Variants in PCDH15 observed in about 807,000 individuals in gnomAD.
The protein encoded by PCDH15 is protocadherin-15.
PCDH15 carries 129 observed loss-of-function variants against 178.5 expected under a neutral mutation model. The observed-to-expected ratio is 0.72, with a 90% CI of 0.63 to 0.84. PCDH15 has a LOEUF of 0.84. Among genes scored for constraint, PCDH15 ranks in the 40% least tolerant of loss-of-function variants. The pLI is 0.00. For missense variants in PCDH15, 2,230 were observed against 2,099.9 expected, an observed-to-expected ratio of 1.06 and a Z score of -1.21; for synonymous variants, 800 against 732.0, an observed-to-expected ratio of 1.09 and a Z score of -1.50.
chr10:55,183,318 C>T (rs914080949), intron 1 of PCDH15, among the ~76,000 whole-genome samples: 15 of 151,880 alleles, frequency 9.9e-5, no homozygotes, highest in Admixed American at 8.5e-4. Flanking sequence ...AACATAGTAG[C>T]AATTTCCACA....
intron 14 of PCDH15, among the ~76,000 whole-genome samples, chr10:54,152,145 T>G (rs2044603677): frequency 6.6e-6 from 1 of 152,188 alleles, no homozygotes; most frequent in Non-Finnish European, 1.5e-5. Context: ...TACTGTGTAC[T>G]AAGATACATC....
chr10:54,584,813 T>C (rs909633145), intron 2 of PCDH15, among the ~76,000 whole-genome samples: 1 of 152,092 alleles, frequency 6.6e-6, no homozygotes, highest in Non-Finnish European at 1.5e-5. Context: ...GAATCATGGC[T>C]GTAAATAAAA....
At chr10:53,906,929 TCACCAGA>T (rs2082723373) in intron 25 of PCDH15, 1 of 152,034 alleles carries the variant, frequency 6.6e-6, no homozygotes. Flanking sequence ...GAAGGAGAAG[TCACCAGA>T]TTATCCACTT....
intron 2 of PCDH15, among the ~76,000 whole-genome samples, chr10:54,898,184 C>G (rs1303991685): frequency 1.3e-5 from 2 of 152,068 alleles, no homozygotes; most frequent in Non-Finnish European, 2.9e-5. Flanking sequence ...AACCATGAGC[C>G]AATTAAACCT....
chr10:54,779,484 A>ATGTG (rs754781784), intron 1 of PCDH15, among the ~76,000 whole-genome samples: 1 of 50,158 alleles, frequency 2.0e-5, no homozygotes, highest in Non-Finnish European at 4.5e-5. Context: ...ACACACATAT[A>ATGTG]TATGTATATA....
intron 2 of PCDH15, among the ~76,000 whole-genome samples, chr10:55,011,347 A>G (rs1840043702): frequency 6.6e-6 from 1 of 152,160 alleles, no homozygotes; most frequent in Non-Finnish European, 1.5e-5. Context: ...ATAAGCTTAA[A>G]GCAAAGCTGC....
At chr10:54,759,170 A>G (rs181181940) in intron 1 of PCDH15, among the ~76,000 whole-genome samples, 1 of 152,332 alleles carries the variant, frequency 6.6e-6, no homozygotes, top group East Asian at 1.9e-4. Flanking sequence ...ATTGAAAAGT[A>G]CTATCATCAT....
chr10:54,629,803 C>T (rs994675785), intron 2 of PCDH15, among the ~76,000 whole-genome samples: 7 of 152,078 alleles, frequency 4.6e-5, no homozygotes, highest in African/African-American at 1.7e-4. Flanking sequence ...GTCAAATTAA[C>T]TCTCTTTGGT....
intron 2 of PCDH15, among the ~76,000 whole-genome samples, chr10:54,983,233 G>A (rs931469901): frequency 6.6e-6 from 1 of 151,982 alleles, no homozygotes; most frequent in Non-Finnish European, 1.5e-5. Flanking sequence ...TGTTACTTTA[G>A]GTACTTGTCA....
chr10:54,354,197 C>CTAG (rs1173968619), intron 5 of PCDH15, among the ~76,000 whole-genome samples: 1 of 152,128 alleles, frequency 6.6e-6, no homozygotes, highest in Admixed American at 6.5e-5. Context: ...GTTGGACAGG[C>CTAG]TAGTCTCAAA....
At chr10:54,748,688 C>G (rs1945794353) in intron 1 of PCDH15, among the ~76,000 whole-genome samples, 1 of 152,106 alleles carries the variant, frequency 6.6e-6, no homozygotes, top group African/African-American at 2.4e-5. Flanking sequence ...AAATCCTAAC[C>G]AGGACCTGGT....
At chr10:54,652,510 G>A (rs2094285031) in intron 2 of PCDH15, among the ~76,000 whole-genome samples, 1 of 152,148 alleles carries the variant, frequency 6.6e-6, no homozygotes, top group South Asian at 2.1e-4. Flanking sequence ...GCTAGATTGT[G>A]TTCCCCAAAA....
intron 2 of PCDH15, among the ~76,000 whole-genome samples, chr10:55,042,355 G>A (rs1270834238): frequency 6.6e-6 from 1 of 152,040 alleles, no homozygotes; most frequent in East Asian, 1.9e-4. Context: ...ATTTTGGCAG[G>A]ATATGACAAC....
intron 2 of PCDH15, among the ~76,000 whole-genome samples, chr10:55,466,111 C>T (rs978225596): frequency 1.3e-5 from 2 of 152,018 alleles, no homozygotes; most frequent in Non-Finnish European, 2.9e-5. Context: ...CCAGCCAATA[C>T]GAAAATATGC....
chr10:54,703,393 G>A (rs1364806304), intron 1 of PCDH15, among the ~76,000 whole-genome samples: 2 of 151,102 alleles, frequency 1.3e-5, no homozygotes, highest in Non-Finnish European at 2.9e-5. Context: ...ATAAGGCAAG[G>A]GAAAAAAAAT....
At chr10:55,406,448 TGA>T (rs1412493446) in intron 2 of PCDH15, among the ~76,000 whole-genome samples, 1 of 152,114 alleles carries the variant, frequency 6.6e-6, no homozygotes, top group East Asian at 1.9e-4. Flanking sequence ...AAAAATATTT[TGA>T]GAGATTTCAT....
intron 21 of PCDH15, among the ~76,000 whole-genome samples, chr10:53,984,122 C>CTTTTT (rs57184119): frequency 8.9e-5 from 10 of 112,660 alleles, no homozygotes; most frequent in East Asian, 2.7e-4. Flanking sequence ...AAGTGCTTTT[C>CTTTTT]TTTTTTTTTT....
intron 8 of PCDH15, among the ~76,000 whole-genome samples, chr10:54,303,835 A>G (rs999153592): frequency 4.6e-5 from 7 of 152,142 alleles, no homozygotes; most frequent in Non-Finnish European, 7.4e-5. Flanking sequence ...AAGGCTGATA[A>G]ATGCAAACCC....
intron 3 of PCDH15, among the ~76,000 whole-genome samples, chr10:54,418,010 C>T (rs1160261948): frequency 6.6e-6 from 1 of 152,042 alleles, no homozygotes; most frequent in Non-Finnish European, 1.5e-5. Context: ...ACTACTGGCC[C>T]GAAAAGATCT....
Sources: gnomAD v4.1 joint callset for allele counts (sites outside exome capture counted in the v4.1 genomes callset) on GRCh38, gnomAD v4.1.1 for gene constraint, MANE v1.5 for transcripts, NCBI Gene and HGNC (gene_info 2026-07-23, HGNC 2026-07-21) for gene names.